Variants in NKAIN2 observed in about 807,000 individuals in gnomAD.
The protein encoded by NKAIN2 is sodium/potassium-transporting ATPase subunit beta-1-interacting protein 2.
A neutral mutation model predicts 32.6 loss-of-function variants in NKAIN2; 14 were observed. The observed-to-expected ratio is 0.43, with a 90% CI of 0.28 to 0.67. The LOEUF (loss-of-function observed/expected upper bound fraction) is 0.67. NKAIN2 is among the 30% of genes least tolerant of loss of function. NKAIN2 has a pLI of 0.17. For missense variants in NKAIN2, 198 were observed against 258.3 expected (o/e 0.77, Z 1.60); for synonymous variants, 80 against 87.2 (o/e 0.92, Z 0.46).
At chr6:124,818,709 T>A (rs371876560) in intron 6 of NKAIN2, among the ~76,000 whole-genome samples, 1 of 152,118 alleles carries the variant, frequency 6.6e-6, no homozygotes, top group African/African-American at 2.4e-5. Flanking sequence ...ATCACCTACA[T>A]GGCTCAAAAG....
intron 3 of NKAIN2, among the ~76,000 whole-genome samples, chr6:124,588,776 A>G (rs550961624): frequency 6.6e-6 from 1 of 152,304 alleles, no homozygotes; most frequent in Non-Finnish European, 1.5e-5. Context: ...GTTCCTTTAA[A>G]ATAAGCCTCA....
chr6:124,703,554 A>G (rs1774905193), intron 4 of NKAIN2, among the ~76,000 whole-genome samples: 1 of 152,040 alleles, frequency 6.6e-6, no homozygotes, highest in Admixed American at 6.6e-5. Context: ...ACTGTAGACA[A>G]GAGAACAAGA....
chr6:124,331,655 C>T (rs962034823), intron 2 of NKAIN2, among the ~76,000 whole-genome samples: 1 of 152,084 alleles, frequency 6.6e-6, no homozygotes, highest in East Asian at 1.9e-4. Flanking sequence ...CATTTGCTTA[C>T]CTTGTAACAC....
intron 1 of NKAIN2, among the ~76,000 whole-genome samples, chr6:123,826,116 G>C (rs1443305520): frequency 6.6e-6 from 1 of 152,064 alleles, no homozygotes; most frequent in African/African-American, 2.4e-5. Flanking sequence ...TGAGAACACT[G>C]CTGACAGAAG....
chr6:124,818,467 A>C lies in NKAIN2; in HGVS notation c.616A>C (p.Met206Leu). Residue 206 changes from methionine to leucine, a missense_variant and splice_region_variant, in exon 6 of 7, where the codon ATG (methionine) becomes CTG (leucine). Transcript: ENST00000368417. ...TSHLQLQPMYMSK is the reference protein window; with the variant it reads ...TSHLQLQPMYLSK ...TCATTTACAACTACAGCCTATGTAC[A>C]TGTAAGTATTTTACTTGGAAGGTAC... 1 of 1,523,040 alleles carries C rather than the reference A, an allele frequency of 6.6e-7. No homozygotes were observed. The highest frequency in any genetic ancestry group is 9.1e-7 in the Non-Finnish European group (1 of 1,101,364). The allele number at this position is 1,523,040 out of a possible 1,614,324, so 94.3% of individuals were successfully genotyped here. A position where few individuals can be genotyped will look rare whatever the true frequency, so the allele number is the denominator to read the frequency against.
At chr6:124,657,979 A>T (rs1365303809) in intron 3 of NKAIN2, among the ~76,000 whole-genome samples, 1 of 152,050 alleles carries the variant, frequency 6.6e-6, no homozygotes, top group Non-Finnish European at 1.5e-5. Context: ...TATTATAGTC[A>T]GGAAAAACCT....
At chr6:124,699,709 A>T (rs924172127) in intron 4 of NKAIN2, among the ~76,000 whole-genome samples, 2 of 152,184 alleles carry the variant, frequency 1.3e-5, no homozygotes, top group African/African-American at 4.8e-5. Context: ...AGGTCTCCCC[A>T]GAAGCAGAGA....
At chr6:123,893,628 T>A (rs1298038569) in intron 1 of NKAIN2, among the ~76,000 whole-genome samples, 6 of 152,256 alleles carry the variant, frequency 3.9e-5, no homozygotes, top group Non-Finnish European at 7.3e-5. Flanking sequence ...ATGTTCAGTG[T>A]CCTGTGGCTA....
intron 1 of NKAIN2, among the ~76,000 whole-genome samples, chr6:124,028,912 T>C (rs1164949566): frequency 2.4e-4 from 4 of 16,444 alleles, no homozygotes; most frequent in Non-Finnish European, 3.9e-4. Context: ...TACACATATA[T>C]GTATATATAT....
chr6:124,284,949 C>T (rs1382472289), intron 2 of NKAIN2, among the ~76,000 whole-genome samples: 4 of 151,892 alleles, frequency 2.6e-5, no homozygotes, highest in East Asian at 3.9e-4. Context: ...AAATTATTAT[C>T]TCATCCTTTT....
At chr6:124,748,368 A>G (rs1777540263) in intron 4 of NKAIN2, among the ~76,000 whole-genome samples, 1 of 151,994 alleles carries the variant, frequency 6.6e-6, no homozygotes, top group African/African-American at 2.4e-5. Flanking sequence ...ACAAAAGAGC[A>G]TAAGCCTTTC....
At chr6:124,638,016 A>G (rs1373256989) in intron 3 of NKAIN2, among the ~76,000 whole-genome samples, 2 of 152,208 alleles carry the variant, frequency 1.3e-5, no homozygotes, top group Non-Finnish European at 2.9e-5. Flanking sequence ...TATATATGCT[A>G]CAGTATAGTA....
At chr6:124,049,764 C>G (rs757366338) in intron 1 of NKAIN2, among the ~76,000 whole-genome samples, 1 of 152,026 alleles carries the variant, frequency 6.6e-6, no homozygotes, top group African/African-American at 2.4e-5. Context: ...CCATTAGCCA[C>G]ATAGTCGCTG....
At chr6:124,077,541 T>G (rs1783749346) in intron 1 of NKAIN2, among the ~76,000 whole-genome samples, 2 of 152,174 alleles carry the variant, frequency 1.3e-5, no homozygotes, top group African/African-American at 4.8e-5. Context: ...TTTAAAAAAT[T>G]TTATCAATGC....
chr6:124,571,300 A>G (rs928751678), intron 3 of NKAIN2, among the ~76,000 whole-genome samples: 1 of 152,162 alleles, frequency 6.6e-6, no homozygotes, highest in Non-Finnish European at 1.5e-5. Context: ...TTGGGAAGGC[A>G]TGACTGGTTT....
At chr6:124,341,306 G>C (rs1308826291) in intron 2 of NKAIN2, among the ~76,000 whole-genome samples, 1 of 152,026 alleles carries the variant, frequency 6.6e-6, no homozygotes, top group Non-Finnish European at 1.5e-5. Flanking sequence ...AGAATACTTA[G>C]TGAGACTTTT....
At chr6:124,756,781 C>G (rs1267622587) in intron 4 of NKAIN2, among the ~76,000 whole-genome samples, 1 of 151,854 alleles carries the variant, frequency 6.6e-6, no homozygotes, top group African/African-American at 2.4e-5. Context: ...CTATTGAAAA[C>G]CCCTCCTTCC....
Position 124,183,223 on chromosome 6 carries a change from A to G in NKAIN2, c.55-99782A>G, listed in dbSNP as rs151269677. On this transcript the variant is annotated intron_variant, in intron 1 of 6. Transcript: ENST00000368417. ...ATAATAATTGAAGGAGAAAATAAAGATATTGGAAGTTGCAGTTATAAGCAA... is the reference window on the plus strand; with the variant it reads ...ATAATAATTGAAGGAGAAAATAAAGGTATTGGAAGTTGCAGTTATAAGCAA... 6.3e-4 allele frequency among the ~76,000 whole-genome samples: 96 copies of G among 152,202 alleles called. No individual in the cohort carries two copies. The East Asian group carries it at 0.018, about 28-fold the overall frequency.
chr6:124,328,677 A>G (rs773568426), intron 2 of NKAIN2, among the ~76,000 whole-genome samples: 6 of 152,212 alleles, frequency 3.9e-5, no homozygotes, highest in Non-Finnish European at 8.8e-5. Flanking sequence ...GGCCTTTCAT[A>G]TATGCCCAAA....
Sources: allele counts gnomAD v4.1 joint callset (sites outside exome capture counted in the v4.1 genomes callset), GRCh38; gene constraint gnomAD v4.1.1; transcripts MANE v1.5; gene names NCBI Gene and HGNC (gene_info 2026-07-23, HGNC 2026-07-21).